Variants in CSMD1 observed in about 807,000 individuals in gnomAD.
CSMD1 encodes CUB and sushi domain-containing protein 1.
CSMD1 carries 213 observed loss-of-function variants against 417.5 expected under a neutral mutation model. The ratio of observed to expected loss-of-function variants is 0.51; its 90% confidence interval spans 0.46 to 0.57. CSMD1 has a LOEUF of 0.57. CSMD1 is among the 20% of genes least tolerant of loss of function. The pLI, the probability that CSMD1 is intolerant of heterozygous loss-of-function variation, is 0.00. For missense variants in CSMD1, 6,923 were observed against 4,529.7 expected (o/e 1.53, Z -15.17); for synonymous variants, 2,862 against 1,736.8 (o/e 1.65, Z -16.11).
At chr8:4,330,142 G>C (rs1799785011) in intron 3 of CSMD1, among the ~76,000 whole-genome samples, 1 of 152,042 alleles carries the variant, frequency 6.6e-6, no homozygotes, top group Non-Finnish European at 1.5e-5. Context: ...TTCACAATGA[G>C]TAGTATCCCA....
intron 3 of CSMD1, among the ~76,000 whole-genome samples, chr8:4,351,735 T>C (rs1412878965): frequency 6.6e-6 from 1 of 152,142 alleles, no homozygotes; most frequent in Admixed American, 6.5e-5. Flanking sequence ...AAAGGCCTTC[T>C]AGGTTGAGCA....
chr8:3,530,806 G>C (rs1304388688), intron 10 of CSMD1, among the ~76,000 whole-genome samples: 2 of 151,710 alleles, frequency 1.3e-5, no homozygotes, highest in African/African-American at 2.4e-5. Flanking sequence ...TACTATTACA[G>C]GCATGAGCCA....
intron 5 of CSMD1, among the ~76,000 whole-genome samples, chr8:3,880,008 G>A (rs1469713834): frequency 2.6e-5 from 4 of 151,988 alleles, no homozygotes; most frequent in Non-Finnish European, 5.9e-5. Flanking sequence ...CTGTACCGAA[G>A]TTACTGACTA....
At chr8:4,792,194 C>T (rs1039211954) in intron 1 of CSMD1, among the ~76,000 whole-genome samples, 14 of 152,054 alleles carry the variant, frequency 9.2e-5, no homozygotes, top group Non-Finnish European at 1.9e-4. Flanking sequence ...ATGAAATAAA[C>T]ACAATTAGCC....
chr8:4,766,700 T>A (rs1156803131), intron 1 of CSMD1, among the ~76,000 whole-genome samples: 1 of 152,220 alleles, frequency 6.6e-6, no homozygotes, highest in Non-Finnish European at 1.5e-5. Flanking sequence ...AACTCCGAAC[T>A]CAGGCTTCCA....
At position 4,541,876 on chromosome 8, in the gene CSMD1, T is replaced by C. The variant is rs543366463; in HGVS notation, c.302+95466A>G. ...GCAATATGAAATGCCAGGGAAGGGA[T>C]GGAGGCTGGAGGCGCCGCACCTGTA... On this transcript the variant is annotated intron_variant, in intron 2 of 69. Transcript: ENST00000635120. 2.8e-4 allele frequency among the ~76,000 whole-genome samples: 43 copies of C among 152,222 alleles called. 1 individual carries two copies. The highest frequency in any genetic ancestry group is 2.4e-3 in the Admixed American group (37 of 15,296).
In CSMD1 at chr8:4,622,372, T is replaced by A. The variant is rs187855039; in HGVS notation, c.302+14970A>T. On this transcript the variant is annotated intron_variant, in intron 2 of 69. Coordinates refer to ENST00000635120, the MANE Select transcript of CSMD1 (RefSeq NM_033225.6). ...AACACTCCACACAGTCCAGCACGAG[T>A]GCCAGCTAATGTCTGTGGGACCTTC... Among the ~76,000 whole-genome samples the A allele has an allele frequency of 6.6e-4, 101 of 152,160 alleles. 1 individual carries two copies. Among genetic ancestry groups the A allele is most frequent in the African/African-American group, 2.3e-3 (94 of 41,506 alleles).
At chr8:4,653,131 C>G (rs1009156259) in intron 1 of CSMD1, among the ~76,000 whole-genome samples, 54 of 151,960 alleles carry the variant, frequency 3.6e-4, no homozygotes, top group African/African-American at 1.2e-3. Flanking sequence ...CAGATTCAGC[C>G]CATTTAGTAG....
intron 18 of CSMD1, among the ~76,000 whole-genome samples, chr8:3,369,759 C>A (rs1029856507): frequency 6.6e-6 from 1 of 152,058 alleles, no homozygotes; most frequent in African/African-American, 2.4e-5. Flanking sequence ...TTCAGACACT[C>A]ATTTTGGAAA....
intron 26 of CSMD1, among the ~76,000 whole-genome samples, chr8:3,275,904 T>C (rs536180994): frequency 2.0e-4 from 30 of 152,244 alleles, no homozygotes; most frequent in Middle Eastern, 3.4e-3. Flanking sequence ...GTAATTTGAT[T>C]GTCTGAAGCC....
chr8:3,107,496 CA>C (rs1165827410), intron 45 of CSMD1, among the ~76,000 whole-genome samples: 1 of 150,406 alleles, frequency 6.6e-6, no homozygotes, highest in African/African-American at 2.4e-5. Context: ...AATGGCAAAA[CA>C]AAAAAAAATC....
chr8:3,501,705 A>T (rs74609542), intron 10 of CSMD1, among the ~76,000 whole-genome samples: 3 of 152,184 alleles, frequency 2.0e-5, no homozygotes, highest in Admixed American at 6.5e-5. Context: ...AAAAAACATG[A>T]TAACAAGTTT....
rs575330808 is a variant in CSMD1 at position 4,196,155 on chromosome 8, G to A, written c.416-164056C>T. Among the ~76,000 whole-genome samples, 5 of 152,224 alleles carry A rather than the reference G, an allele frequency of 3.3e-5. No homozygotes were observed. In the South Asian group the frequency reaches 8.3e-4, roughly 25 times the overall value. ...GAACCCGGGAAGTGGAGCTTGCAGG[G>A]AGCCGAGATCGCGCCACTGCACTCC... is the stretch of plus-strand genomic sequence containing the variant. On this transcript the variant is annotated intron_variant, in intron 3 of 69. Coordinates refer to ENST00000635120, the MANE Select transcript of CSMD1 (RefSeq NM_033225.6).
At position 2,937,182 on chromosome 8, in the gene CSMD1, A is replaced by G. The variant is rs552555071; in HGVS notation, c.*1403T>C. 3 of 152,142 alleles carry G rather than the reference A, an allele frequency of 2.0e-5. No homozygotes were observed. The highest frequency in any genetic ancestry group is 2.0e-4 in the Admixed American group (3 of 15,268). 9.4% of individuals were successfully genotyped at this position (152,142 alleles called of 1,614,324 possible). A position where few individuals can be genotyped will look rare whatever the true frequency, so the allele number is the denominator to read the frequency against. On this transcript the variant is annotated 3_prime_UTR_variant, in exon 70 of 70. Transcript: ENST00000635120. ...ATAGATTTTATTTGCATCATAACTT[A>G]TCATTTACCTATAATGGAATTTAAA... is the stretch of plus-strand genomic sequence containing the variant.
intron 1 of CSMD1, among the ~76,000 whole-genome samples, chr8:4,639,171 G>C (rs1755849659): frequency 6.6e-6 from 1 of 151,328 alleles, no homozygotes; most frequent in Non-Finnish European, 1.5e-5. Flanking sequence ...CTACTTGCCT[G>C]TTTCAGCCCT....
chr8:3,252,747 A>T (rs556899336), intron 26 of CSMD1, among the ~76,000 whole-genome samples: 115 of 152,280 alleles, frequency 7.6e-4, no homozygotes, highest in African/African-American at 2.6e-3. Flanking sequence ...AGAGCCTGTT[A>T]TTCGTCTCTT....
intron 5 of CSMD1, among the ~76,000 whole-genome samples, chr8:3,943,976 G>A (rs1018242318): frequency 6.6e-6 from 1 of 152,106 alleles, no homozygotes; most frequent in African/African-American, 2.4e-5. Flanking sequence ...CTGAAAATTA[G>A]GCAATGATAT....
At chr8:3,077,079 C>A (rs1699658475) in intron 49 of CSMD1, among the ~76,000 whole-genome samples, 1 of 152,096 alleles carries the variant, frequency 6.6e-6, no homozygotes, top group African/African-American at 2.4e-5. Flanking sequence ...TGTGTTAAAC[C>A]CATGCTCATT....
chr8:3,757,099 G>C (rs1045022796), intron 5 of CSMD1, among the ~76,000 whole-genome samples: 1 of 152,148 alleles, frequency 6.6e-6, no homozygotes, highest in African/African-American at 2.4e-5. Context: ...CACTGTGCCA[G>C]CCTGGAATTG....
Sources: allele counts gnomAD v4.1 joint callset (sites outside exome capture counted in the v4.1 genomes callset), GRCh38; gene constraint gnomAD v4.1.1; transcripts MANE v1.5; gene names NCBI Gene and HGNC (gene_info 2026-07-23, HGNC 2026-07-21).